Variants in YIPF4 observed in about 807,000 individuals in gnomAD.
YIPF4 encodes protein YIPF4.
Under a neutral mutation model 29.4 loss-of-function variants are expected in YIPF4, and 18 were observed. That is an observed-to-expected ratio of 0.61 (90% CI 0.42 to 0.91). YIPF4 has a LOEUF of 0.91. Among genes scored for constraint, YIPF4 ranks in the 40% least tolerant of loss-of-function variants. The pLI is 0.00. For synonymous variants in YIPF4, 115 were observed against 104.7 expected (o/e 1.10, Z -0.60); for missense variants, 279 against 282.7 (o/e 0.99, Z 0.09).
At chr2:32,304,139 T>TTAA (rs2031497479) in intron 5 of YIPF4, among the ~76,000 whole-genome samples, 1 of 152,230 alleles carries the variant, frequency 6.6e-6, no homozygotes. Flanking sequence ...TCCTGATCAT[T>TTAA]TAATCTTCTG....
chr2:32,292,249 T>G lies in YIPF4; in HGVS notation c.306T>G (p.Leu102=), dbSNP rs1558477087. The G allele has an allele frequency of 1.9e-6, 3 of 1,604,476 alleles. No individual in the cohort carries two copies. The highest frequency in any genetic ancestry group is 1.7e-4 in the Middle Eastern group (1 of 6,006). ...GTGTTTTGATGCCAATGCCATCACT[T>G]GGTTTTAATAGACAAGTGGTGAGAG... ...IRCVLMPMPS[L]GFNRQVVRDN... Residue 102 remains leucine (L), a synonymous_variant, in exon 3 of 6, where the codon CTT becomes CTG. Coordinates refer to ENST00000238831, the MANE Select transcript of YIPF4 (RefSeq NM_032312.4).
rs2030951302 is a variant in YIPF4 at position 32,292,267 on chromosome 2, G to A, written c.324G>A (p.Val108=). ...PMPSLGFNRQ[V]VRDNPDFWGP... ...CATCACTTGGTTTTAATAGACAAGT[G>A]GTGAGAGACAATCCTGACTTTTGGG... is the stretch of plus-strand genomic sequence containing the variant. The change falls in exon 3 of 6, where the codon GTG becomes GTA. Residue 108 remains valine (V), a synonymous_variant. Coordinates refer to ENST00000238831, the MANE Select transcript of YIPF4 (RefSeq NM_032312.4). 3.7e-6 allele frequency: 6 copies of A among 1,606,076 alleles called. No individual in the cohort carries two copies. The highest frequency in any genetic ancestry group is 4.3e-6 in the Non-Finnish European group (5 of 1,175,496).
intron 1 of YIPF4, among the ~76,000 whole-genome samples, chr2:32,282,389 A>C (rs979402917): frequency 1.6e-4 from 24 of 152,164 alleles, no homozygotes; most frequent in Admixed American, 6.5e-5. Flanking sequence ...TCCTGGCTTT[A>C]TCAATTACTC....
At chr2:32,297,156 C>T (rs1002931665) in intron 3 of YIPF4, among the ~76,000 whole-genome samples, 1 of 151,482 alleles carries the variant, frequency 6.6e-6, no homozygotes, top group Admixed American at 6.6e-5. Context: ...TGGTGTTTCA[C>T]TCTTGTCGCT....
Position 32,313,660 on chromosome 2 carries a change from C to G in YIPF4, c.*8034C>G, listed in dbSNP as rs947428684. Reference sequence around the variant, plus strand: ...GGATTACAGGCGTGAGACACTGTGCCCAGCCTGTCAGAGCTTTTGAGTAGA... The same window carrying G: ...GGATTACAGGCGTGAGACACTGTGCGCAGCCTGTCAGAGCTTTTGAGTAGA... On this transcript the variant is annotated 3_prime_UTR_variant, in exon 6 of 6. Transcript: ENST00000238831. The G allele has an allele frequency of 1.3e-5, 2 of 152,036 alleles. No homozygotes were observed. Among genetic ancestry groups the G allele is most frequent in the Admixed American group, 1.3e-4 (2 of 15,238 alleles). The allele number at this position is 152,036 out of a possible 1,614,324, so 9.4% of individuals were successfully genotyped here. A position where few individuals can be genotyped will look rare whatever the true frequency, so the allele number is the denominator to read the frequency against.
intron 3 of YIPF4, among the ~76,000 whole-genome samples, chr2:32,296,205 C>T (rs572639304): frequency 7.9e-5 from 12 of 152,180 alleles, no homozygotes; most frequent in East Asian, 1.9e-4. Flanking sequence ...CAGAAGATTA[C>T]GGCTGGGCGC....
At chr2:32,301,240 AAAT>A in intron 4 of YIPF4, 139 bp from the exon 5 acceptor site, 1 of 574,118 alleles carries the variant, frequency 1.7e-6, no homozygotes, top group Non-Finnish European at 3.1e-6. Flanking sequence ...TGATATTTTG[AAAT>A]AATGAGTATA....
intron 3 of YIPF4, among the ~76,000 whole-genome samples, chr2:32,293,419 A>G (rs1213736828): frequency 1.3e-5 from 2 of 152,224 alleles, no homozygotes; most frequent in African/African-American, 4.8e-5. Flanking sequence ...AAGGTCCCAG[A>G]TCAACAGGAT....
At chr2:32,279,228 C>T (rs374553496) in intron 1 of YIPF4, among the ~76,000 whole-genome samples, 69 of 151,814 alleles carry the variant, frequency 4.5e-4, no homozygotes, top group Admixed American at 1.8e-3. Flanking sequence ...GCCTCGGCCT[C>T]CCAAAGTGCT....
intron 1 of YIPF4, among the ~76,000 whole-genome samples, chr2:32,286,194 A>T (rs1221342643): frequency 1.3e-5 from 2 of 152,232 alleles, no homozygotes; most frequent in African/African-American, 4.8e-5. Context: ...AAATGAGTGC[A>T]TGTCAAACTG....
rs2031709860 is a variant in YIPF4, at chr2:32,311,207, A to G, written c.*5581A>G. 6.6e-6 allele frequency: 1 copy of G among 152,294 alleles called. No homozygotes were observed. The highest frequency in any genetic ancestry group is 1.5e-5 in the Non-Finnish European group (1 of 68,030). 9.4% of individuals were successfully genotyped at this position (152,294 alleles called of 1,614,324 possible). A position where few individuals can be genotyped will look rare whatever the true frequency, so the allele number is the denominator to read the frequency against. ...TGAAGAAAGTTCTACTTATGAATAC[A>G]TTTTATTTATAACAAACTGGTGAAA... On this transcript the variant is annotated 3_prime_UTR_variant, in exon 6 of 6. Transcript: ENST00000238831.
chr2:32,292,145 G>A (rs1286440899), intron 2 of YIPF4, 32 bp from the exon 3 acceptor site: 1 of 1,352,024 alleles, frequency 7.4e-7, no homozygotes, highest in South Asian at 1.9e-5. Flanking sequence ...AGAAATGTGT[G>A]CCTTTTGAGA....
chr2:32,297,559 G>A (rs1213840689), intron 3 of YIPF4, among the ~76,000 whole-genome samples: 1 of 152,094 alleles, frequency 6.6e-6, no homozygotes, highest in Non-Finnish European at 1.5e-5. Flanking sequence ...CTTGAGCTCA[G>A]GAGTTCGAGA....
intron 3 of YIPF4, among the ~76,000 whole-genome samples, chr2:32,297,237 G>C (rs1322169961): frequency 6.6e-6 from 1 of 151,848 alleles, no homozygotes. Context: ...CGATTCTCCA[G>C]CCTCAGCCTC....
Position 32,311,581 on chromosome 2 carries a change from T to C in YIPF4, c.*5955T>C, listed in dbSNP as rs1317528437. On this transcript the variant is annotated 3_prime_UTR_variant, in exon 6 of 6. Transcript: ENST00000238831. ...TTGCTGAGATAATTAAGTTAGATAC[T>C]AATATGAAAAAGAATATTTGTGTAA... 6.6e-6 allele frequency: 1 copy of C among 152,236 alleles called. No individual in the cohort carries two copies. Among genetic ancestry groups the C allele is most frequent in the African/African-American group, 2.4e-5 (1 of 41,462 alleles). 9.4% of individuals were successfully genotyped at this position (152,236 alleles called of 1,614,324 possible).
At chr2:32,295,904 C>T (rs1459570303) in intron 3 of YIPF4, among the ~76,000 whole-genome samples, 1 of 152,224 alleles carries the variant, frequency 6.6e-6, no homozygotes, top group Admixed American at 6.5e-5. Context: ...TGCCCAGCCT[C>T]AGTTTTCATC....
At chr2:32,298,355 G>A (rs55665681) in intron 4 of YIPF4, 44 bp downstream of exon 4, 25,930 of 1,494,716 alleles carry the variant, frequency 0.017, 553 homozygotes, top group African/African-American at 0.1. Flanking sequence ...TTTATGGTGA[G>A]CTTAGTTTTT....
In YIPF4 at chr2:32,279,641, C is replaced by T. The variant is rs1016156941; in HGVS notation, c.79+1407C>T. Among the ~76,000 whole-genome samples, 212 of 150,456 alleles carry T rather than the reference C, an allele frequency of 1.4e-3. 2 individuals carry two copies. Among genetic ancestry groups the T allele is most frequent in the African/African-American group, 4.9e-3 (200 of 40,910 alleles). On this transcript the variant is annotated intron_variant, in intron 1 of 5. Coordinates refer to ENST00000238831, the MANE Select transcript of YIPF4 (RefSeq NM_032312.4). The stretch of plus-strand genomic sequence containing the variant: ...AGCCAGGATGGTCTCGATCTCCTGA[C>T]CTCGTGATCCGTCCGCCTCGGCCTC...
intron 2 of YIPF4, 139 bp downstream of exon 2, chr2:32,290,775 T>G (rs2030876526): frequency 2.2e-6 from 1 of 459,860 alleles, no homozygotes; most frequent in South Asian, 9.3e-5. Context: ...ACTAGTAATT[T>G]AAAAAACTGA....
Sources: gnomAD v4.1 joint callset for allele counts (sites outside exome capture counted in the v4.1 genomes callset) on GRCh38, gnomAD v4.1.1 for gene constraint, MANE v1.5 for transcripts, NCBI Gene and HGNC (gene_info 2026-07-23, HGNC 2026-07-21) for gene names.